DLGAP2: variants seen among roughly 807,000 people sequenced by gnomAD.
The protein encoded by DLGAP2 is DLG associated protein 2, also known as disks large-associated protein 2.
A neutral mutation model predicts 100.3 loss-of-function variants in DLGAP2; 26 were observed. That is an observed-to-expected ratio of 0.26 (90% CI 0.19 to 0.36). DLGAP2 has a LOEUF of 0.36. Ranked by LOEUF, DLGAP2 falls within the 10% of genes least tolerant of loss-of-function variation. The probability of loss-of-function intolerance (pLI) is 1.00; values close to 1 mark genes in which losing one functional copy is unlikely to be tolerated. For missense variants in DLGAP2, 1,858 were observed against 1,453.2 expected, an observed-to-expected ratio of 1.28 and a Z score of -4.53; for synonymous variants, 886 against 630.1, an observed-to-expected ratio of 1.41 and a Z score of -6.08.
intron 2 of DLGAP2, among the ~76,000 whole-genome samples, chr8:1,108,488 C>T (rs1408468529): frequency 2.0e-5 from 3 of 151,582 alleles, no homozygotes; most frequent in East Asian, 1.9e-4. Flanking sequence ...GAAGTGTGCA[C>T]GTGCCTGTGA....
chr8:897,962 C>T (rs1798177194), intron 1 of DLGAP2, among the ~76,000 whole-genome samples: 1 of 152,136 alleles, frequency 6.6e-6, no homozygotes, highest in South Asian at 2.1e-4. Flanking sequence ...CCTGTGGTGA[C>T]CTCCATCCAG....
intron 2 of DLGAP2, among the ~76,000 whole-genome samples, chr8:1,188,562 C>T (rs1208845675): frequency 1.3e-5 from 2 of 149,844 alleles, no homozygotes; most frequent in East Asian, 2.0e-4. Flanking sequence ...CCGGGATCTC[C>T]GTGATGTTTC....
intron 1 of DLGAP2, among the ~76,000 whole-genome samples, chr8:834,145 G>C (rs1328907791): frequency 6.6e-6 from 1 of 152,160 alleles, no homozygotes; most frequent in South Asian, 2.1e-4. Flanking sequence ...CTCAGGATGC[G>C]ATCCTATTCA....
intron 5 of DLGAP2, among the ~76,000 whole-genome samples, chr8:1,557,805 G>A (rs1190286672): frequency 3.9e-5 from 6 of 152,180 alleles, no homozygotes; most frequent in Admixed American, 3.9e-4. Flanking sequence ...CTTCTTAGGA[G>A]GATACCAGGC....
chr8:797,179 G>A lies in DLGAP2; in HGVS notation c.18+59354G>A, dbSNP rs990697812. Among the ~76,000 whole-genome samples the A allele has an allele frequency of 2.0e-5, 3 of 152,228 alleles. No homozygotes were observed. The South Asian group carries it at 6.2e-4, about 32-fold the overall frequency. On this transcript the variant is annotated intron_variant, in intron 1 of 14. Transcript: ENST00000637795. ...TCACCACCCAAGAAGAAGACGTCCCGTCATCTCCGAAAGTCCTGTGTGCCC... is the reference window on the plus strand; with the variant it reads ...TCACCACCCAAGAAGAAGACGTCCCATCATCTCCGAAAGTCCTGTGTGCCC...
chr8:1,113,264 A>G (rs1805016910), intron 2 of DLGAP2, among the ~76,000 whole-genome samples: 1 of 152,326 alleles, frequency 6.6e-6, no homozygotes, highest in Non-Finnish European at 1.5e-5. Context: ...TTTGATAGGA[A>G]TAGCAATGAA....
chr8:958,015 C>G (rs980681595), intron 2 of DLGAP2, among the ~76,000 whole-genome samples: 1 of 152,198 alleles, frequency 6.6e-6, no homozygotes, highest in Non-Finnish European at 1.5e-5. Flanking sequence ...TGTAGAAACT[C>G]TGTGTCATTA....
At chr8:1,538,350 G>A (rs1801225754) in intron 4 of DLGAP2, among the ~76,000 whole-genome samples, 1 of 152,108 alleles carries the variant, frequency 6.6e-6, no homozygotes, top group Admixed American at 6.5e-5. Context: ...ATTTCATTAT[G>A]CCCCCAAAAG....
rs192245435 is a variant in DLGAP2, at chr8:1,445,875, G to A, written c.107-55491G>A. ...GCATATTTTCATGTGGTTTTTGGCTGCATAAATGTCTTCTTTTGAGAAGTG... is the reference window on the plus strand; with the variant it reads ...GCATATTTTCATGTGGTTTTTGGCTACATAAATGTCTTCTTTTGAGAAGTG... On this transcript the variant is annotated intron_variant, in intron 3 of 14. Transcript: ENST00000637795. Among the ~76,000 whole-genome samples, 9 of 152,310 alleles carry A rather than the reference G, an allele frequency of 5.9e-5. No homozygotes were observed. The East Asian group carries it at 1.7e-3, about 29-fold the overall frequency.
chr8:1,224,297 A>G (rs922502161), intron 2 of DLGAP2, among the ~76,000 whole-genome samples: 4 of 152,372 alleles, frequency 2.6e-5, no homozygotes, highest in Middle Eastern at 3.4e-3. Context: ...TATAAGAGAC[A>G]TAATTGACAT....
chr8:1,630,945 C>A (rs1393084508), intron 7 of DLGAP2, among the ~76,000 whole-genome samples: 1 of 141,386 alleles, frequency 7.1e-6, no homozygotes, highest in Non-Finnish European at 1.5e-5. Context: ...AGGGTCTCGG[C>A]GGGAGGTCCC....
intron 4 of DLGAP2, among the ~76,000 whole-genome samples, chr8:1,542,417 T>C (rs1237686134): frequency 1.3e-5 from 2 of 152,242 alleles, no homozygotes; most frequent in Non-Finnish European, 2.9e-5. Flanking sequence ...CCTACCCTGA[T>C]GCTGGGAATC....
chr8:1,227,647 T>TA (rs1798450146), intron 2 of DLGAP2, among the ~76,000 whole-genome samples: 1 of 152,066 alleles, frequency 6.6e-6, no homozygotes, highest in Admixed American at 6.6e-5. Flanking sequence ...TGGAGGCCGT[T>TA]ATGCTAAATG....
chr8:1,000,871 G>C (rs1800935828), intron 2 of DLGAP2, among the ~76,000 whole-genome samples: 1 of 152,042 alleles, frequency 6.6e-6, no homozygotes, highest in Non-Finnish European at 1.5e-5. Flanking sequence ...GGAGAGGAGA[G>C]GGAGACCTTG....
chr8:1,163,294 G>A (rs963585741), intron 2 of DLGAP2, among the ~76,000 whole-genome samples: 14 of 152,206 alleles, frequency 9.2e-5, no homozygotes, highest in African/African-American at 3.4e-4. Context: ...TCCCAGACGG[G>A]ACCACGCGGG....
intron 2 of DLGAP2, among the ~76,000 whole-genome samples, chr8:1,233,511 C>T (rs996698707): frequency 3.8e-4 from 58 of 152,054 alleles, no homozygotes; most frequent in African/African-American, 1.2e-3. Context: ...GGATGCAGAC[C>T]GCAGCTGGAG....
intron 6 of DLGAP2, among the ~76,000 whole-genome samples, chr8:1,598,852 A>T (rs560511041): frequency 2.4e-4 from 36 of 151,844 alleles, no homozygotes; most frequent in African/African-American, 8.2e-4. Flanking sequence ...AGGGTTTTTC[A>T]TGTCTCTATC....
chr8:1,294,300 G>A (rs17754269), intron 3 of DLGAP2, among the ~76,000 whole-genome samples: 4 of 152,104 alleles, frequency 2.6e-5, no homozygotes, highest in Non-Finnish European at 4.4e-5. Flanking sequence ...GTCTTATTAA[G>A]GGAAAAAATG....
intron 2 of DLGAP2, among the ~76,000 whole-genome samples, chr8:1,112,326 C>T (rs1392594517): frequency 6.8e-6 from 1 of 148,000 alleles, no homozygotes; most frequent in Middle Eastern, 3.3e-3. Flanking sequence ...CTGCAAGCTC[C>T]GCCTCCCCGG....
Sources: gnomAD v4.1 joint callset for allele counts (sites outside exome capture counted in the v4.1 genomes callset) on GRCh38, gnomAD v4.1.1 for gene constraint, MANE v1.5 for transcripts, NCBI Gene and HGNC (gene_info 2026-07-23, HGNC 2026-07-21) for gene names.